The following NTRK3 variants were observed in gnomAD, a reference collection of about 807,000 sequenced individuals.
NTRK3 encodes the protein neurotrophic receptor tyrosine kinase 3, also known as NT-3 growth factor receptor.
Under a neutral mutation model 91.7 loss-of-function variants are expected in NTRK3, and 24 were observed. The observed-to-expected ratio is 0.26, with a 90% CI of 0.19 to 0.37. The LOEUF is 0.37. NTRK3 is among the 10% of genes least tolerant of loss of function. The pLI is 1.00. For missense variants in NTRK3, 880 were observed against 1,068.9 expected (o/e 0.82, Z 2.46); for synonymous variants, 483 against 404.0 (o/e 1.20, Z -2.34).
At chr15:87,937,306 T>A (rs1435399) in intron 15 of NTRK3, among the ~76,000 whole-genome samples, 26,142 of 152,102 alleles carry the variant, frequency 0.17, 2,404 homozygotes, top group South Asian at 0.26. Flanking sequence ...TAGAAACCAA[T>A]GAAATATGAA....
chr15:88,212,738 A>G (rs1371451834), intron 3 of NTRK3, among the ~76,000 whole-genome samples: 1 of 20,012 alleles, frequency 5.0e-5, no homozygotes, highest in Non-Finnish European at 1.8e-4. Flanking sequence ...ACACACACAC[A>G]CACACACACA....
exon 19 of NTRK3, chr15:87,872,795 T>G (rs958279039): frequency 1.3e-5 from 3 of 232,812 alleles, no homozygotes; most frequent in African/African-American, 2.2e-5. Flanking sequence ...TTTCACTTCA[T>G]CTCTTATTTT....
At chr15:88,214,111 C>T (rs2049509166) in intron 3 of NTRK3, among the ~76,000 whole-genome samples, 1 of 151,938 alleles carries the variant, frequency 6.6e-6, no homozygotes, top group African/African-American at 2.4e-5. Flanking sequence ...GAAATGAGGC[C>T]GTATGCCAGG....
chr15:87,947,958 C>T (rs1049914479), intron 14 of NTRK3, among the ~76,000 whole-genome samples: 4 of 152,066 alleles, frequency 2.6e-5, no homozygotes, highest in African/African-American at 9.7e-5. Flanking sequence ...AGGAGACCAC[C>T]AAGAGGGCAG....
exon 10 of NTRK3, chr15:88,135,391 G>C: frequency 6.2e-7 from 1 of 1,613,634 alleles, no homozygotes; most frequent in Non-Finnish European, 8.5e-7. Flanking sequence ...CACCACACGT[G>C]GGGGATCTGT....
intron 14 of NTRK3, among the ~76,000 whole-genome samples, chr15:87,973,846 C>T (rs913921030): frequency 1.3e-5 from 2 of 152,166 alleles, no homozygotes; most frequent in African/African-American, 4.8e-5. Context: ...CTGTCTCTCC[C>T]TCCCTGCCAC....
chr15:88,039,804 C>T lies in NTRK3; in HGVS notation c.1397-6759G>A, dbSNP rs189796722. On this transcript the variant is annotated intron_variant, in intron 13 of 18. Coordinates refer to ENST00000394480, the Ensembl canonical transcript of NTRK3. The stretch of plus-strand genomic sequence containing the variant: ...AGACAGGGTCATTTATAACCTGACA[C>T]GTCCACCCTACTGCTGTGTCCGGTT... Among the ~76,000 whole-genome samples, 23 of 152,326 alleles carry T rather than the reference C, an allele frequency of 1.5e-4. 1 individual carries two copies. The East Asian group carries it at 3.1e-3, about 20-fold the overall frequency.
At chr15:87,893,755 G>T (rs568196589) in intron 17 of NTRK3, among the ~76,000 whole-genome samples, 1 of 152,272 alleles carries the variant, frequency 6.6e-6, no homozygotes, top group East Asian at 1.9e-4. Context: ...ACTCCGATGA[G>T]GCATACAGGA....
intron 5 of NTRK3, among the ~76,000 whole-genome samples, chr15:88,181,519 C>G (rs1310272788): frequency 6.6e-6 from 1 of 152,130 alleles, no homozygotes; most frequent in Non-Finnish European, 1.5e-5. Context: ...GGACACCGTG[C>G]CCTAGAAGGT....
At chr15:88,015,767 G>A (rs2077192038) in intron 14 of NTRK3, among the ~76,000 whole-genome samples, 1 of 152,106 alleles carries the variant, frequency 6.6e-6, no homozygotes, top group East Asian at 1.9e-4. Flanking sequence ...TAGGAGCTCT[G>A]TGCAAAAATC....
intron 13 of NTRK3, among the ~76,000 whole-genome samples, chr15:88,092,467 C>T (rs958056786): frequency 3.3e-5 from 5 of 152,188 alleles, no homozygotes; most frequent in South Asian, 2.1e-4. Context: ...TGCATTCCCA[C>T]CCCCTGGCAT....
intron 3 of NTRK3, among the ~76,000 whole-genome samples, chr15:88,221,848 C>G (rs955305459): frequency 6.6e-6 from 1 of 152,052 alleles, no homozygotes; most frequent in African/African-American, 2.4e-5. Flanking sequence ...CTGTTGAGAC[C>G]GATTAGGCTG....
intron 13 of NTRK3, among the ~76,000 whole-genome samples, chr15:88,073,964 T>A (rs2047319392): frequency 6.6e-6 from 1 of 152,214 alleles, no homozygotes; most frequent in African/African-American, 2.4e-5. Flanking sequence ...GGCAGGAAGA[T>A]GTGTGGCCTC....
At chr15:88,161,567 G>T (rs2044459559) in intron 5 of NTRK3, among the ~76,000 whole-genome samples, 1 of 152,180 alleles carries the variant, frequency 6.6e-6, no homozygotes, top group Non-Finnish European at 1.5e-5. Flanking sequence ...TTTTCACTGT[G>T]TTCCCTGGAC....
At chr15:87,873,550 G>C (rs920778372) in exon 19 of NTRK3, 1 of 231,806 alleles carries the variant, frequency 4.3e-6, no homozygotes, top group African/African-American at 2.2e-5. Context: ...AGACACAAAA[G>C]AGCTCACTTC....
At chr15:88,192,258 G>C (rs1046324141) in intron 3 of NTRK3, among the ~76,000 whole-genome samples, 1 of 152,152 alleles carries the variant, frequency 6.6e-6, no homozygotes, top group East Asian at 1.9e-4. Context: ...ACTAAGAAAA[G>C]GGCTAACTCC....
intron 13 of NTRK3, among the ~76,000 whole-genome samples, 182 bp downstream of exon 13, chr15:88,126,089 A>G (rs970347587): frequency 4.6e-5 from 7 of 152,212 alleles, no homozygotes; most frequent in South Asian, 2.1e-4. Context: ...ACAGATCCCA[A>G]CACTGCCTTC....
At chr15:88,109,979 C>G (rs1228547549) in intron 13 of NTRK3, among the ~76,000 whole-genome samples, 1 of 152,082 alleles carries the variant, frequency 6.6e-6, no homozygotes, top group Non-Finnish European at 1.5e-5. Flanking sequence ...TCATTTAATT[C>G]TCATAAAACC....
Position 88,099,286 on chromosome 15 carries a change from A to G in NTRK3, c.1396+26985T>C, listed in dbSNP as rs541316657. The G allele has an allele frequency of 1.1e-4, 25 of 221,316 alleles. No homozygotes were observed. In the South Asian group the frequency reaches 4.1e-3, roughly 36 times the overall value. The allele number at this position is 221,316 out of a possible 1,614,324, so 13.7% of individuals were successfully genotyped here. ...TGGAGCACGACTGACTTTGGAAGGG[A>G]AAAGGAAAACATGGTCCAGCTGATG... On this transcript the variant is annotated intron_variant, in intron 13 of 18. Transcript: ENST00000394480.
Sources: allele counts gnomAD v4.1 joint callset (sites outside exome capture counted in the v4.1 genomes callset), GRCh38; gene constraint gnomAD v4.1.1; transcripts MANE v1.5; gene names NCBI Gene and HGNC (gene_info 2026-07-23, HGNC 2026-07-21).